The following FLNB variants were observed in gnomAD, a reference collection of about 807,000 sequenced individuals.
FLNB encodes filamin B.
Under a neutral mutation model 250.6 loss-of-function variants are expected in FLNB, and 111 were observed. The observed-to-expected ratio is 0.44, with a 90% CI of 0.38 to 0.52. The LOEUF (loss-of-function observed/expected upper bound fraction) is 0.52, where lower values mean the gene tolerates loss of function less well. Ranked by LOEUF, FLNB falls within the 20% of genes least tolerant of loss-of-function variation. The pLI is 0.00. For missense variants in FLNB, 2,869 were observed against 3,447.8 expected, an observed-to-expected ratio of 0.83 and a Z score of 4.20; for synonymous variants, 1,302 against 1,372.1, an observed-to-expected ratio of 0.95 and a Z score of 1.13.
chr3:58,077,115 A>T lies in FLNB; in HGVS notation c.362A>T (p.Tyr121Phe), dbSNP rs147846832. 708 of 1,613,884 alleles carry T rather than the reference A, an allele frequency of 4.4e-4. 5 individuals carry two copies. The African/African-American group carries it at 8.7e-3, about 20-fold the overall frequency. ...CTGGTGTGGACGCTGATCCTCCACT[A>T]CTCCATCTCCATGCCCGTGTGGGAG... ...LGLVWTLILH[Y>F]SISMPVWEDE... Residue 121 changes from tyrosine (Y) to phenylalanine (F), a missense_variant, in exon 2 of 46, where the codon TAC (tyrosine) becomes TTC (phenylalanine). Physicochemically the swap from Tyr to Phe is conservative, Grantham distance 22 (BLOSUM62 3). Transcript: ENST00000295956.
At chr3:58,064,729 C>T (rs1296607662) in intron 1 of FLNB, among the ~76,000 whole-genome samples, 1 of 151,996 alleles carries the variant, frequency 6.6e-6, no homozygotes, top group Non-Finnish European at 1.5e-5. Flanking sequence ...ATCCCCAGTT[C>T]CAGCCAGGTG....
chr3:58,113,460 A>G (rs1391703386), intron 18 of FLNB, among the ~76,000 whole-genome samples: 1 of 152,188 alleles, frequency 6.6e-6, no homozygotes, highest in African/African-American at 2.4e-5. Flanking sequence ...TCAAGAGTCA[A>G]GTGGGGAAGA....
chr3:58,097,103 A>G (rs942694448), intron 6 of FLNB, among the ~76,000 whole-genome samples: 8 of 152,194 alleles, frequency 5.3e-5, no homozygotes, highest in Admixed American at 4.6e-4. Flanking sequence ...AAAGCCCTCA[A>G]CAGCACATAA....
At chr3:58,144,653 A>G (rs1415482270) in intron 32 of FLNB, among the ~76,000 whole-genome samples, 1 of 152,214 alleles carries the variant, frequency 6.6e-6, no homozygotes, top group Non-Finnish European at 1.5e-5. Flanking sequence ...CAGTGCAGGC[A>G]TCTATGATTT....
At chr3:58,165,890 G>A (rs531661666) in intron 43 of FLNB, 1 of 152,212 alleles carries the variant, frequency 6.6e-6, no homozygotes, top group South Asian at 2.1e-4. Context: ...AGGGGGTGGG[G>A]GAAGACCGCC....
rs944571690 is a variant in FLNB at position 58,130,877 on chromosome 3, T to C, written c.4359T>C (p.Ala1453=). 4 of 1,612,624 alleles carry C rather than the reference T, an allele frequency of 2.5e-6. No homozygotes were observed. Among genetic ancestry groups the C allele is most frequent in the Non-Finnish European group, 3.4e-6 (4 of 1,179,660 alleles). The change falls in exon 25 of 46, where the codon GCT becomes GCC. Residue 1453 remains alanine, a synonymous_variant. Transcript: ENST00000295956. ...FTVDSSKAGL[A]PLEVRVLGPR... ...TGGACAGCAGCAAGGCTGGCCTGGC[T>C]CCGCTGGAAGTGAGGGTTCTGGGCC...
At chr3:58,159,950 G>A (rs569638966) in intron 42 of FLNB, among the ~76,000 whole-genome samples, 10 of 152,134 alleles carry the variant, frequency 6.6e-5, no homozygotes, top group African/African-American at 2.4e-4. Flanking sequence ...CTTAACCTGA[G>A]AGGTCAAGGC....
At chr3:58,159,007 C>G (rs983210143) in intron 41 of FLNB, among the ~76,000 whole-genome samples, 1 of 151,664 alleles carries the variant, frequency 6.6e-6, no homozygotes, top group Admixed American at 6.6e-5. Context: ...GTTTGGCACC[C>G]TAGATATATA....
intron 1 of FLNB, among the ~76,000 whole-genome samples, chr3:58,057,986 A>C (rs1194388493): frequency 6.6e-6 from 1 of 151,974 alleles, no homozygotes; most frequent in Non-Finnish European, 1.5e-5. Flanking sequence ...TGGGGGTTTC[A>C]CCATATTGGT....
intron 32 of FLNB, among the ~76,000 whole-genome samples, chr3:58,143,879 C>T (rs2097331405): frequency 6.6e-6 from 1 of 152,134 alleles, no homozygotes; most frequent in Non-Finnish European, 1.5e-5. Context: ...TGAGTGTGGC[C>T]AGAGGTCAAG....
chr3:58,112,662 CAT>C lies in FLNB; in HGVS notation c.2745+346_2745+347del, dbSNP rs200296087. Among the ~76,000 whole-genome samples the C allele has an allele frequency of 5.9e-4, 90 of 152,362 alleles. 1 individual carries two copies. The highest frequency in any genetic ancestry group is 6.8e-3 in the Middle Eastern group (2 of 294). ...GTGCACACATGTGCACACACACACA[CAT>C]ACACACACACACGTGCATTCCCTCG... is the stretch of plus-strand genomic sequence containing the variant. On this transcript the variant is annotated intron_variant, in intron 18 of 45. Transcript: ENST00000295956.
chr3:58,154,832 C>T lies in FLNB; in HGVS notation c.6676C>T (p.Leu2226Phe), dbSNP rs1376823211. ...GACCCGGGAAGCAGGCGCTGGAGGC[C>T]TCTCCATCGCTGTTGAGGGCCCCAG... ...IWTREAGAGG[L>F]SIAVEGPSKA... Residue 2226 changes from leucine to phenylalanine, a missense_variant, in exon 40 of 46, where the codon CTC becomes TTC. Transcript: ENST00000295956. 1.9e-6 allele frequency: 3 copies of T among 1,613,626 alleles called. No individual in the cohort carries two copies. Among genetic ancestry groups the T allele is most frequent in the Admixed American group, 1.7e-5 (1 of 60,008 alleles).
intron 42 of FLNB, among the ~76,000 whole-genome samples, chr3:58,160,099 G>C (rs578171143): frequency 6.6e-6 from 1 of 152,118 alleles, no homozygotes; most frequent in African/African-American, 2.4e-5. Flanking sequence ...ATGCTTCTTT[G>C]TTTTCTGTTA....
At chr3:58,098,458 G>A (rs1005834467) in intron 7 of FLNB, among the ~76,000 whole-genome samples, 1 of 152,192 alleles carries the variant, frequency 6.6e-6, no homozygotes, top group Admixed American at 6.5e-5. Flanking sequence ...AGCCTCTCAA[G>A]TAGCTGGGAT....
At position 58,008,687 on chromosome 3, in the gene FLNB, G is replaced by A. The variant is rs143729485; in HGVS notation, c.123G>A (p.Gln41=). The change falls in exon 1 of 46, where the codon CAG becomes CAA. Residue 41 remains glutamine (Q), a synonymous_variant. Coordinates refer to ENST00000295956, the MANE Select transcript of FLNB (RefSeq NM_001457.4). ...TGAACAAACGCATCGGCAACCTGCA[G>A]ACCGACCTGAGCGACGGGCTGCGGC... ...KCVNKRIGNL[Q]TDLSDGLRLI... 7.1e-5 allele frequency: 115 copies of A among 1,614,074 alleles called. No individual in the cohort carries two copies. Among genetic ancestry groups the A allele is most frequent in the Non-Finnish European group, 9.3e-5 (110 of 1,180,050 alleles).
chr3:58,089,081 TA>T (rs2097221968), intron 4 of FLNB, among the ~76,000 whole-genome samples: 1 of 151,606 alleles, frequency 6.6e-6, no homozygotes, highest in African/African-American at 2.4e-5. Flanking sequence ...AGAGTCTCAT[TA>T]CATGATACCC....
rs199939739 is a variant in FLNB, at chr3:58,153,504, C to T, written c.6497C>T (p.Thr2166Met). The T allele has an allele frequency of 4.6e-5, 74 of 1,614,208 alleles. No individual in the cohort carries two copies. The highest frequency in any genetic ancestry group is 3.8e-4 in the East Asian group (17 of 44,884). Residue 2166 changes from threonine to methionine, a missense_variant, in exon 39 of 46, where the codon ACG (threonine) becomes ATG (methionine). Physicochemically the swap from Thr to Met is moderately conservative, Grantham distance 81 (BLOSUM62 -1). This residue lies in a region of FLNB where 1,084 missense variants were observed against 1,315.5 expected (regional missense o/e 0.82). Coordinates refer to ENST00000295956, the MANE Select transcript of FLNB (RefSeq NM_001457.4). The part of the protein sequence containing the change: ...RFVPQEMGVH[T>M]VSVKYRGQHV... ...GTGCCCCAGGAGATGGGCGTGCACA[C>T]GGTCAGCGTCAAGTACCGTGGGCAG...
At chr3:58,124,927 GTCT>G (rs2097295228) in intron 22 of FLNB, among the ~76,000 whole-genome samples, 1 of 152,092 alleles carries the variant, frequency 6.6e-6, no homozygotes. Context: ...GATATTTTCA[GTCT>G]TCTTGTGGAT....
intron 1 of FLNB, among the ~76,000 whole-genome samples, chr3:58,042,365 A>T (rs577487750): frequency 0.048 from 5,336 of 110,520 alleles, 339 homozygotes; most frequent in African/African-American, 0.21. Flanking sequence ...TTTTTTTTTT[A>T]AAGTCCGGGT....
Sources: allele counts gnomAD v4.1 joint callset (sites outside exome capture counted in the v4.1 genomes callset), GRCh38; gene constraint gnomAD v4.1.1; regional missense constraint gnomAD v4.1.1; transcripts MANE v1.5; gene names NCBI Gene and HGNC (gene_info 2026-07-23, HGNC 2026-07-21).